The following NR3C2 variants were observed in gnomAD, a reference collection of about 807,000 sequenced individuals.
The protein encoded by NR3C2 is mineralocorticoid receptor.
NR3C2 carries 15 observed loss-of-function variants against 86.4 expected under a neutral mutation model. That is an observed-to-expected ratio of 0.17 (90% CI 0.12 to 0.27). The LOEUF (loss-of-function observed/expected upper bound fraction) is 0.27, where lower values mean the gene tolerates loss of function less well. Ranked by LOEUF, NR3C2 falls within the 10% of genes least tolerant of loss-of-function variation. NR3C2 has a pLI of 1.00. For synonymous variants in NR3C2, 458 were observed against 450.5 expected, an observed-to-expected ratio of 1.02 and a Z score of -0.21; for missense variants, 960 against 1,195.6, an observed-to-expected ratio of 0.80 and a Z score of 2.91.
chr4:148,158,434 T>G (rs1261147493), intron 4 of NR3C2, among the ~76,000 whole-genome samples: 2 of 152,222 alleles, frequency 1.3e-5, no homozygotes, highest in Non-Finnish European at 2.9e-5. Flanking sequence ...CTCTTATCTC[T>G]CAGAGAACTA....
intron 2 of NR3C2, among the ~76,000 whole-genome samples, chr4:148,260,630 T>C (rs1740050168): frequency 1.3e-5 from 2 of 152,220 alleles, no homozygotes; most frequent in Admixed American, 6.5e-5. Context: ...CCAGTAATTT[T>C]ATCCCTCTAA....
chr4:148,167,563 A>G (rs61757932), intron 4 of NR3C2, among the ~76,000 whole-genome samples: 3,084 of 152,288 alleles, frequency 0.02, 52 homozygotes, highest in Middle Eastern at 0.061. Flanking sequence ...GATATACTCT[A>G]TACTCAACTC....
chr4:148,144,212 T>TC (rs1367800280), intron 6 of NR3C2, among the ~76,000 whole-genome samples: 1 of 152,144 alleles, frequency 6.6e-6, no homozygotes, highest in Non-Finnish European at 1.5e-5. Flanking sequence ...ACTTTTTTTT[T>TC]CTTTCTTTTT....
chr4:148,315,924 T>A (rs1346169641), intron 2 of NR3C2, among the ~76,000 whole-genome samples: 1 of 152,200 alleles, frequency 6.6e-6, no homozygotes, highest in Non-Finnish European at 1.5e-5. Context: ...CCAAAAATCT[T>A]TCTTACAATC....
At chr4:148,437,674 A>T (rs1750144569) in intron 1 of NR3C2, among the ~76,000 whole-genome samples, 3 of 152,188 alleles carry the variant, frequency 2.0e-5, no homozygotes, top group African/African-American at 7.2e-5. Flanking sequence ...ACGACTGCCA[A>T]CAACCAGAAA....
chr4:148,319,498 C>T (rs1378727011), intron 2 of NR3C2, among the ~76,000 whole-genome samples: 1 of 150,574 alleles, frequency 6.6e-6, no homozygotes, highest in Non-Finnish European at 1.5e-5. Flanking sequence ...ATTGATTCTT[C>T]CTACCCATGA....
In NR3C2 at chr4:148,136,056, CA is replaced by C. The variant is rs199716496; in HGVS notation, c.2511-15769del. On this transcript the variant is annotated intron_variant, in intron 6 of 8. Coordinates refer to ENST00000358102, the MANE Select transcript of NR3C2 (RefSeq NM_000901.5). The stretch of plus-strand genomic sequence containing the variant: ...TGGGCGACAGAGCGAGACTCCGTCT[CA>C]AAAAAAAAAAAAAAAAAAACAAAAA... Among the ~76,000 whole-genome samples the C allele has an allele frequency of 6.3e-4, 45 of 71,208 alleles. 3 individuals carry two copies. The highest frequency in any genetic ancestry group is 2.5e-3 in the African/African-American group (37 of 15,006). The allele number at this position is 71,208 out of a possible 152,430, so 46.7% of individuals were successfully genotyped here. A position where few individuals can be genotyped will look rare whatever the true frequency, so the allele number is the denominator to read the frequency against.
chr4:148,219,567 G>GT (rs1406360611), intron 3 of NR3C2, among the ~76,000 whole-genome samples: 2 of 152,098 alleles, frequency 1.3e-5, no homozygotes, highest in African/African-American at 4.8e-5. Context: ...ATACAATAGA[G>GT]TTTTCTAGTG....
At chr4:148,098,578 A>G (rs934104300) in intron 8 of NR3C2, among the ~76,000 whole-genome samples, 2 of 152,232 alleles carry the variant, frequency 1.3e-5, no homozygotes, top group Admixed American at 6.5e-5. Flanking sequence ...TGCCAGGAAC[A>G]TGCACATTGG....
chr4:148,106,461 G>A (rs1345132295), intron 8 of NR3C2, among the ~76,000 whole-genome samples: 3 of 152,266 alleles, frequency 2.0e-5, no homozygotes, highest in Admixed American at 2.0e-4. Context: ...TAGATTCAGT[G>A]TTATTCCCAT....
chr4:148,345,296 GAACATATATA>G (rs2149985953), intron 2 of NR3C2, among the ~76,000 whole-genome samples: 1 of 151,864 alleles, frequency 6.6e-6, no homozygotes, highest in Admixed American at 6.6e-5. Context: ...ACGTGCACAT[GAACATATATA>G]AACACAGACC....
upstream of NR3C2, chr4:148,443,895 G>C (rs1447009941): frequency 3.0e-6 from 2 of 670,830 alleles, no homozygotes; most frequent in African/African-American, 2.0e-5. Flanking sequence ...ACTCTCAGCC[G>C]CTCCAGTCAG....
intron 8 of NR3C2, among the ~76,000 whole-genome samples, chr4:148,108,263 C>T (rs529149352): frequency 6.6e-6 from 1 of 151,926 alleles, no homozygotes; most frequent in Non-Finnish European, 1.5e-5. Context: ...ATCACCACAC[C>T]CGGCTAATTT....
intron 4 of NR3C2, among the ~76,000 whole-genome samples, chr4:148,188,594 C>A (rs150098834): frequency 4.6e-5 from 7 of 152,026 alleles, no homozygotes; most frequent in Admixed American, 3.9e-4. Flanking sequence ...TATCCGGAGA[C>A]GTTGCTGAAT....
At chr4:148,336,970 T>A (rs1323601029) in intron 2 of NR3C2, among the ~76,000 whole-genome samples, 2 of 152,014 alleles carry the variant, frequency 1.3e-5, no homozygotes, top group African/African-American at 4.8e-5. Context: ...TTTTTTTACA[T>A]TTGTTGTAGA....
upstream of NR3C2, chr4:148,442,446 G>C (rs1432625465): frequency 6.0e-6 from 1 of 167,794 alleles, no homozygotes; most frequent in Non-Finnish European, 1.2e-5. Context: ...GGGCCAGGGC[G>C]GGCAAAAAAG....
chr4:148,133,840 G>T (rs960596085), intron 6 of NR3C2, among the ~76,000 whole-genome samples: 1 of 152,186 alleles, frequency 6.6e-6, no homozygotes. Context: ...GGACAAGGAA[G>T]GTAGAAAGCA....
chr4:148,443,260 A>G (rs1750444639), upstream of NR3C2, among the ~76,000 whole-genome samples: 1 of 137,516 alleles, frequency 7.3e-6, no homozygotes, highest in African/African-American at 2.7e-5. Flanking sequence ...AAAAAGAGAG[A>G]GAGAGAAAGA....
At chr4:148,247,693 C>T (rs1739383834) in intron 3 of NR3C2, among the ~76,000 whole-genome samples, 1 of 151,628 alleles carries the variant, frequency 6.6e-6, no homozygotes, top group Admixed American at 6.6e-5. Context: ...AGTAAGCACT[C>T]CACAGCTGTT....
Sources: gnomAD v4.1 joint callset for allele counts (sites outside exome capture counted in the v4.1 genomes callset) on GRCh38, gnomAD v4.1.1 for gene constraint, MANE v1.5 for transcripts, NCBI Gene and HGNC (gene_info 2026-07-23, HGNC 2026-07-21) for gene names.